Variants in DDI2 observed in about 807,000 individuals in gnomAD.
DDI2 encodes the protein protein DDI1 homolog 2.
Under a neutral mutation model 48.1 loss-of-function variants are expected in DDI2, and 5 were observed. The ratio of observed to expected loss-of-function variants is 0.10; its 90% CI spans 0.05 to 0.22. DDI2 has a LOEUF of 0.22. DDI2 is among the 10% of genes least tolerant of loss of function. The probability of loss-of-function intolerance (pLI) is 1.00; values close to 1 mark genes in which losing one functional copy is unlikely to be tolerated. For missense variants in DDI2, 285 were observed against 506.2 expected, an observed-to-expected ratio of 0.56 and a Z score of 4.19; for synonymous variants, 205 against 183.6, an observed-to-expected ratio of 1.12 and a Z score of -0.94.
rs756704388 is a variant in DDI2 at position 15,659,965 on chromosome 1, G to C, written c.*175G>C. The stretch of plus-strand genomic sequence containing the variant: ...TAATCCTATGAGTCTTGCTCGCTCT[G>C]TCTCTGCTTCAGTCTGCCCTATCAA... On this transcript the variant is annotated 3_prime_UTR_variant, in exon 10 of 10. Coordinates refer to ENST00000480945, the MANE Select transcript of DDI2 (RefSeq NM_032341.5). 5.0e-6 allele frequency: 8 copies of C among 1,614,196 alleles called. No homozygotes were observed. The Admixed American group carries it at 1.0e-4, about 20-fold the overall frequency.
Position 15,617,477 on chromosome 1 carries a change from T to G in DDI2, c.-194T>G. 2.8e-6 allele frequency: 1 copy of G among 357,856 alleles called. No homozygotes were observed. Among genetic ancestry groups the G allele is most frequent in the Non-Finnish European group, 4.8e-6 (1 of 207,272 alleles). The allele number at this position is 357,856 out of a possible 1,614,324, so 22.2% of individuals were successfully genotyped here. A position where few individuals can be genotyped will look rare whatever the true frequency, so the allele number is the denominator to read the frequency against. On this transcript the variant is annotated 5_prime_UTR_variant, in exon 1 of 10. Coordinates refer to ENST00000480945, the MANE Select transcript of DDI2 (RefSeq NM_032341.5). ...GCAGGCAGACGGACTCGCAGGCGTG[T>G]GGCGGCGGCCGTGCTTGCTAGTGAG...
intron 5 of DDI2, among the ~76,000 whole-genome samples, chr1:15,641,806 A>G (rs1640012952): frequency 2.0e-5 from 3 of 151,580 alleles, no homozygotes; most frequent in African/African-American, 4.8e-5. Flanking sequence ...AATACAAAAA[A>G]TAGCCGGGCA....
At chr1:15,653,882 G>A (rs977179372) in intron 8 of DDI2, among the ~76,000 whole-genome samples, 4 of 152,134 alleles carry the variant, frequency 2.6e-5, no homozygotes, top group Non-Finnish European at 5.9e-5. Flanking sequence ...TGTATATATT[G>A]AAATCATGCT....
chr1:15,621,539 G>A lies in DDI2; in HGVS notation c.138+3731G>A, dbSNP rs113006559. 3.3e-3 allele frequency among the ~76,000 whole-genome samples: 505 copies of A among 152,002 alleles called. 9 individuals carry two copies. The highest frequency in any genetic ancestry group is 0.011 in the African/African-American group (472 of 41,442). ...AGCTGGGACTACAGGTGTATGCTAC[G>A]ACATATGACTAATTTTTTTGTTTTC... On this transcript the variant is annotated intron_variant, in intron 1 of 9. Transcript: ENST00000480945.
intron 7 of DDI2, among the ~76,000 whole-genome samples, chr1:15,651,354 A>C (rs967369755): frequency 3.9e-5 from 6 of 152,054 alleles, no homozygotes; most frequent in African/African-American, 1.4e-4. Flanking sequence ...GGAGTAAAGA[A>C]TACTGTGGAG....
chr1:15,625,819 A>G (rs929741145), intron 1 of DDI2, among the ~76,000 whole-genome samples: 2 of 152,126 alleles, frequency 1.3e-5, no homozygotes, highest in Non-Finnish European at 1.5e-5. Flanking sequence ...GAGTTTCACC[A>G]TGTTGGCCAG....
intron 1 of DDI2, among the ~76,000 whole-genome samples, chr1:15,620,316 C>CA (rs1639638032): frequency 6.6e-6 from 1 of 152,104 alleles, no homozygotes; most frequent in Non-Finnish European, 1.5e-5. Context: ...GCCCATCAGG[C>CA]AGGAACAGGA....
At chr1:15,651,507 T>TG (rs553693329) in intron 7 of DDI2, among the ~76,000 whole-genome samples, 199 bp from the exon 8 acceptor site, 206 of 152,002 alleles carry the variant, frequency 1.4e-3, no homozygotes, top group Non-Finnish European at 2.5e-3. Context: ...TTAGTAGAGG[T>TG]GGGGTTTCAC....
chr1:15,630,807 T>C (rs1293259958), intron 3 of DDI2, among the ~76,000 whole-genome samples: 1 of 152,156 alleles, frequency 6.6e-6, no homozygotes, highest in African/African-American at 2.4e-5. Context: ...CCTCATTGTT[T>C]TTGGCAGCAG....
chr1:15,628,269 TTAAC>T (rs1348226987), intron 2 of DDI2, among the ~76,000 whole-genome samples: 3 of 152,196 alleles, frequency 2.0e-5, no homozygotes, highest in Admixed American at 6.5e-5. Flanking sequence ...CTGGTATAGA[TTAAC>T]TACCTCACAG....
chr1:15,649,973 G>T, intron 7 of DDI2, 150 bp downstream of exon 7: 1 of 691,234 alleles, frequency 1.4e-6, no homozygotes. Flanking sequence ...GCTATACAGA[G>T]GTTGAAATGA....
rs780309447 is a variant in DDI2, at chr1:15,617,819, C to T, written c.138+11C>T. The T allele has an allele frequency of 3.8e-6, 6 of 1,585,710 alleles. No individual in the cohort carries two copies. In the East Asian group the frequency reaches 1.1e-4, roughly 30 times the overall value. On this transcript the variant is annotated intron_variant, in intron 1 of 9. Transcript: ENST00000480945. ...GCAGCCGAGAGCCAGGTACGCCGGG[C>T]AGCGAGCCGGGCCTGCCCCGGAGCT...
At chr1:15,659,155 G>C (rs1275648463) in intron 9 of DDI2, among the ~76,000 whole-genome samples, 1 of 152,080 alleles carries the variant, frequency 6.6e-6, no homozygotes, top group Non-Finnish European at 1.5e-5. Flanking sequence ...GGAAAGCTTG[G>C]CTAGAAATAA....
chr1:15,626,746 G>T lies in DDI2; in HGVS notation c.216G>T (p.Val72=). ...ASYGLKDGDV[V]ILRQKENADP... The stretch of plus-strand genomic sequence containing the variant: ...ATGGCTTGAAAGATGGGGACGTTGT[G>T]ATTTTACGACAGAAGGAGAATGCAG... The change falls in exon 2 of 10, where the codon GTG becomes GTT. Residue 72 remains valine, a synonymous_variant. Coordinates refer to ENST00000480945, the MANE Select transcript of DDI2 (RefSeq NM_032341.5). 1 of 1,614,204 alleles carries T rather than the reference G, an allele frequency of 6.2e-7. No homozygotes were observed. The highest frequency in any genetic ancestry group is 8.5e-7 in the Non-Finnish European group (1 of 1,180,040).
At position 15,660,037 on chromosome 1, in the gene DDI2, A is replaced by C; in HGVS notation, c.*247A>C. The C allele has an allele frequency of 1.2e-6, 2 of 1,614,098 alleles. No homozygotes were observed. The highest frequency in any genetic ancestry group is 1.7e-6 in the Non-Finnish European group (2 of 1,180,002). ...TGAACCTAAAGCTGTGAAGGCTTTG[A>C]AGGCTTCAGCTGAATTCCAGCTAAA... On this transcript the variant is annotated 3_prime_UTR_variant, in exon 10 of 10. Coordinates refer to ENST00000480945, the MANE Select transcript of DDI2 (RefSeq NM_032341.5).
At chr1:15,649,633 T>G (rs1459073277) in intron 6 of DDI2, 87 bp from the exon 7 acceptor site, 3 of 1,344,236 alleles carry the variant, frequency 2.2e-6, no homozygotes. Context: ...ATTATGCCAT[T>G]GCACTCCAGC....
Position 15,649,775 on chromosome 1 carries a change from A to G in DDI2, c.945A>G (p.Glu315=). The change falls in exon 7 of 10, where the codon GAA becomes GAG. Residue 315 remains glutamate, a synonymous_variant. Coordinates refer to ENST00000480945, the MANE Select transcript of DDI2 (RefSeq NM_032341.5). ...CATGTTCCTTCTCTATACTTGAGGA[A>G]CAGCCCATGGACATGCTTCTGGGAC... ...FLPCSFSILE[E]QPMDMLLGLD... The G allele has an allele frequency of 6.2e-7, 1 of 1,613,784 alleles. No individual in the cohort carries two copies. Among genetic ancestry groups the G allele is most frequent in the Non-Finnish European group, 8.5e-7 (1 of 1,179,834 alleles).
At chr1:15,645,609 C>G (rs1302433011) in intron 6 of DDI2, among the ~76,000 whole-genome samples, 2 of 152,196 alleles carry the variant, frequency 1.3e-5, no homozygotes, top group African/African-American at 4.8e-5. Context: ...TGGCTCACAC[C>G]TATAATCCCA....
At position 15,652,415 on chromosome 1, in the gene DDI2, C is replaced by A. The variant is rs569166453; in HGVS notation, c.1183+520C>A. ...TATTCTGGCCCGGCGTGGTGGCTCA[C>A]GCCTGTTAATCCCAGCACTTTGGGA... is the stretch of plus-strand genomic sequence containing the variant. On this transcript the variant is annotated intron_variant, in intron 8 of 9. Coordinates refer to ENST00000480945, the MANE Select transcript of DDI2 (RefSeq NM_032341.5). Among the ~76,000 whole-genome samples, 3 of 128,522 alleles carry A rather than the reference C, an allele frequency of 2.3e-5. No homozygotes were observed. The Admixed American group carries it at 2.8e-4, about 12-fold the overall frequency. The allele number at this position is 128,522 out of a possible 152,430, so 84.3% of individuals were successfully genotyped here.
Sources: allele counts gnomAD v4.1 joint callset (sites outside exome capture counted in the v4.1 genomes callset), GRCh38; gene constraint gnomAD v4.1.1; transcripts MANE v1.5; gene names NCBI Gene and HGNC (gene_info 2026-07-23, HGNC 2026-07-21).